KLHL3: variants seen among roughly 807,000 people sequenced by gnomAD.
The protein encoded by KLHL3 is kelch-like protein 3.
Under a neutral mutation model 70.5 loss-of-function variants are expected in KLHL3, and 19 were observed. The observed-to-expected ratio is 0.27, with a 90% CI of 0.19 to 0.40. The LOEUF (loss-of-function observed/expected upper bound fraction) is 0.40, where lower values mean the gene tolerates loss of function less well. KLHL3 is among the 10% of genes least tolerant of loss of function. The pLI, the probability that KLHL3 is intolerant of heterozygous loss-of-function variation, is 1.00. For missense variants in KLHL3, 512 were observed against 771.1 expected, an observed-to-expected ratio of 0.66 and a Z score of 3.98; for synonymous variants, 258 against 290.3, an observed-to-expected ratio of 0.89 and a Z score of 1.13.
intron 7 of KLHL3, among the ~76,000 whole-genome samples, chr5:137,660,090 C>T (rs1001636569): frequency 2.6e-5 from 4 of 152,116 alleles, no homozygotes; most frequent in Admixed American, 1.3e-4. Flanking sequence ...CATCCTATTC[C>T]AGAGGTGTTC....
At chr5:137,685,056 C>T (rs1039904597) in intron 5 of KLHL3, among the ~76,000 whole-genome samples, 7 of 152,128 alleles carry the variant, frequency 4.6e-5, no homozygotes, top group Admixed American at 2.0e-4. Flanking sequence ...GTTGTGCTCT[C>T]GCTGGAAAAG....
At chr5:137,724,270 TA>T (rs1319270845) in intron 1 of KLHL3, among the ~76,000 whole-genome samples, 8 of 152,174 alleles carry the variant, frequency 5.3e-5, no homozygotes, top group African/African-American at 1.9e-4. Context: ...CTAGTAAGAT[TA>T]AAGCACGGAA....
At chr5:137,647,614 T>G (rs1752265008) in intron 8 of KLHL3, 2 of 471,632 alleles carry the variant, frequency 4.2e-6, no homozygotes, top group Non-Finnish European at 8.8e-6. Context: ...GAAGCGAGAG[T>G]CTCTCTTACC....
intron 2 of KLHL3, among the ~76,000 whole-genome samples, chr5:137,717,499 C>T (rs528374176): frequency 4.2e-4 from 64 of 152,290 alleles, no homozygotes; most frequent in African/African-American, 1.5e-3. Flanking sequence ...CACTGCATTC[C>T]GGCCTGGGCC....
chr5:137,666,489 G>A (rs554967769), intron 6 of KLHL3, among the ~76,000 whole-genome samples: 2 of 152,296 alleles, frequency 1.3e-5, no homozygotes, highest in Admixed American at 1.3e-4. Flanking sequence ...AAGCTTAGCT[G>A]AAGAATGAAC....
chr5:137,669,205 A>G (rs1751689363), intron 6 of KLHL3, among the ~76,000 whole-genome samples: 1 of 152,228 alleles, frequency 6.6e-6, no homozygotes, highest in South Asian at 2.1e-4. Flanking sequence ...CACACTGCAC[A>G]TTTCATTCAT....
intron 6 of KLHL3, among the ~76,000 whole-genome samples, chr5:137,663,665 A>C (rs1751543589): frequency 6.6e-6 from 1 of 152,160 alleles, no homozygotes; most frequent in Non-Finnish European, 1.5e-5. Context: ...TCGCAACTTT[A>C]TGGAATTTTT....
rs78509476 is a variant in KLHL3 at position 137,735,376 on chromosome 5, C to A, written c.14+257G>T. ...TTCCCGAACACCAGCCAGGAAGTCC[C>A]TTCTTTCAGGGTGCTCCGCTGCCTA... On this transcript the variant is annotated intron_variant, in intron 1 of 14. Transcript: ENST00000309755. Among the ~76,000 whole-genome samples, 10,588 of 152,298 alleles carry A rather than the reference C, an allele frequency of 0.07. 821 individuals carry two copies. The highest frequency in any genetic ancestry group is 0.33 in the East Asian group (1,704 of 5,160).
chr5:137,698,225 C>G (rs893325554), intron 4 of KLHL3, 62 bp downstream of exon 4: 2 of 1,584,014 alleles, frequency 1.3e-6, no homozygotes, highest in Non-Finnish European at 1.7e-6. Context: ...AATAAAATAA[C>G]GCTGTAAAAT....
rs972044676 is a variant in KLHL3, at chr5:137,621,916, G to A, written c.*182C>T. 2.4e-5 allele frequency: 16 copies of A among 667,834 alleles called. 1 individual carries two copies. The highest frequency in any genetic ancestry group is 1.3e-4 in the South Asian group (7 of 55,820). 41.4% of individuals were successfully genotyped at this position (667,834 alleles called of 1,614,324 possible). On this transcript the variant is annotated 3_prime_UTR_variant, in exon 15 of 15. Transcript: ENST00000309755. ...ATAGGCCAGAGCACCTCAGGGGAACGGGGGTGGGTAATGGTGTCCACACTG... is the reference window on the plus strand; with the variant it reads ...ATAGGCCAGAGCACCTCAGGGGAACAGGGGTGGGTAATGGTGTCCACACTG...
chr5:137,636,889 C>A (rs762385650), intron 11 of KLHL3, among the ~76,000 whole-genome samples: 2 of 152,158 alleles, frequency 1.3e-5, no homozygotes, highest in African/African-American at 2.4e-5. Context: ...TGTTAATGTT[C>A]AACATATGAA....
chr5:137,646,555 T>A (rs1458567015), intron 8 of KLHL3, among the ~76,000 whole-genome samples: 1 of 152,158 alleles, frequency 6.6e-6, no homozygotes. Context: ...TCCCACAGTC[T>A]ACATGTATCA....
intron 8 of KLHL3, among the ~76,000 whole-genome samples, chr5:137,657,782 G>A (rs917397461): frequency 6.6e-6 from 1 of 152,156 alleles, no homozygotes; most frequent in African/African-American, 2.4e-5. Flanking sequence ...GACTACTATG[G>A]CCATCACTAA....
intron 12 of KLHL3, chr5:137,629,260 T>C (rs1436900481): frequency 6.6e-6 from 1 of 152,270 alleles, no homozygotes; most frequent in Non-Finnish European, 1.5e-5. Flanking sequence ...CTAGGACACC[T>C]GTGTTCTGGA....
intron 12 of KLHL3, among the ~76,000 whole-genome samples, chr5:137,633,008 C>T (rs533049473): frequency 6.6e-6 from 1 of 152,180 alleles, no homozygotes; most frequent in East Asian, 1.9e-4. Flanking sequence ...AGGCCGGGTG[C>T]AGTGGCTCAT....
At chr5:137,651,234 C>T (rs1206571189) in intron 8 of KLHL3, among the ~76,000 whole-genome samples, 1 of 152,226 alleles carries the variant, frequency 6.6e-6, no homozygotes, top group African/African-American at 2.4e-5. Flanking sequence ...TGCCATGGAA[C>T]CTACAGTTGC....
Position 137,621,777 on chromosome 5 carries a change from TACACACACACAC to T in KLHL3, c.*309_*320del, listed in dbSNP as rs3839339. ...AGAAACATAGAGAAACACCATGGTC[TACACACACACAC>T]ACACACACACACACTCCAGGGTCTG... On this transcript the variant is annotated 3_prime_UTR_variant, in exon 15 of 15. Coordinates refer to ENST00000309755, the MANE Select transcript of KLHL3 (RefSeq NM_017415.3). 3.6e-5 allele frequency: 11 copies of T among 309,726 alleles called. No homozygotes were observed. The highest frequency in any genetic ancestry group is 1.2e-5 in the Non-Finnish European group (2 of 165,988). 19.2% of individuals were successfully genotyped at this position (309,726 alleles called of 1,614,324 possible).
At chr5:137,680,688 G>A (rs979487428) in intron 5 of KLHL3, among the ~76,000 whole-genome samples, 2 of 151,836 alleles carry the variant, frequency 1.3e-5, no homozygotes, top group Non-Finnish European at 2.9e-5. Flanking sequence ...GATTACAGGC[G>A]TCCACTACCA....
At chr5:137,677,763 G>A (rs1751921870) in intron 5 of KLHL3, 109 bp from the exon 6 acceptor site, 1 of 574,826 alleles carries the variant, frequency 1.7e-6, no homozygotes, top group South Asian at 2.8e-5. Flanking sequence ...CAGGCCAGGG[G>A]GACCATGGAG....
Sources: allele counts gnomAD v4.1 joint callset (sites outside exome capture counted in the v4.1 genomes callset), GRCh38; gene constraint gnomAD v4.1.1; transcripts MANE v1.5; gene names NCBI Gene and HGNC (gene_info 2026-07-23, HGNC 2026-07-21).